The following AMZ1 variants were observed in gnomAD, a reference collection of about 807,000 sequenced individuals.
AMZ1 encodes archaemetzincin-1.
A neutral mutation model predicts 29.9 loss-of-function variants in AMZ1; 39 were observed. That is an observed-to-expected ratio of 1.30 (90% confidence interval 1.01 to 1.70). AMZ1 has a LOEUF of 1.70. Among genes scored for constraint, AMZ1 ranks in the 40% most tolerant of loss-of-function variants. AMZ1 has a pLI of 0.00. For missense variants in AMZ1, 1,041 were observed against 680.6 expected, an observed-to-expected ratio of 1.53 and a Z score of -5.89; for synonymous variants, 458 against 304.0, an observed-to-expected ratio of 1.51 and a Z score of -5.27.
intron 5 of AMZ1, 58 bp from the exon 6 acceptor site, chr7:2,709,582 A>G: frequency 6.4e-7 from 1 of 1,567,488 alleles, no homozygotes. Flanking sequence ...CTGCCTGGGG[A>G]TCTGCCGGAT....
chr7:2,710,975 C>T (rs1348696633), intron 6 of AMZ1, among the ~76,000 whole-genome samples: 1 of 152,222 alleles, frequency 6.6e-6, no homozygotes, highest in Non-Finnish European at 1.5e-5. Flanking sequence ...TGAGAGCTCT[C>T]ATTTGATGCC....
chr7:2,701,856 C>T (rs970325359), intron 2 of AMZ1, among the ~76,000 whole-genome samples: 1 of 152,228 alleles, frequency 6.6e-6, no homozygotes, highest in Non-Finnish European at 1.5e-5. Context: ...TTGGTCTCAG[C>T]ATCCACCACC....
At chr7:2,680,191 G>A (rs1186716659) in intron 1 of AMZ1, among the ~76,000 whole-genome samples, 1 of 152,162 alleles carries the variant, frequency 6.6e-6, no homozygotes. Flanking sequence ...GGAGGGCAGG[G>A]CTGGGATGAT....
upstream of AMZ1, chr7:2,763,309 G>A (rs798487): frequency 0.26 from 45,983 of 176,890 alleles, 6,669 homozygotes; most frequent in Non-Finnish European, 0.3. Flanking sequence ...GACACAGCCC[G>A]GCTTGCTGAC....
rs142796061 is a variant in AMZ1, at chr7:2,709,309, C to G, written c.771+65C>G. 9 of 1,414,764 alleles carry G rather than the reference C, an allele frequency of 6.4e-6. No homozygotes were observed. In the Admixed American group the frequency reaches 8.9e-5, roughly 14 times the overall value. 87.6% of individuals were successfully genotyped at this position (1,414,764 alleles called of 1,614,324 possible). A position where few individuals can be genotyped will look rare whatever the true frequency, so the allele number is the denominator to read the frequency against. On this transcript the variant is annotated intron_variant, in intron 5 of 6. Transcript: ENST00000683327. The stretch of plus-strand genomic sequence containing the variant: ...GGTGCTGTCTGAGCCCTTGGTGCCT[C>G]GGTCTGTTACACTGCCCCATCCTCA...
chr7:2,692,563 G>A (rs1193263440), intron 1 of AMZ1, among the ~76,000 whole-genome samples: 4 of 151,832 alleles, frequency 2.6e-5, no homozygotes, highest in African/African-American at 7.3e-5. Flanking sequence ...AATAAATAAA[G>A]AGGACCAAGC....
At chr7:2,705,552 G>C (rs886722720) in intron 3 of AMZ1, among the ~76,000 whole-genome samples, 9 of 152,208 alleles carry the variant, frequency 5.9e-5, no homozygotes, top group African/African-American at 2.2e-4. Context: ...CCCATCGTGG[G>C]TGTTGGAAGC....
At chr7:2,692,985 G>T (rs551520620) in intron 1 of AMZ1, among the ~76,000 whole-genome samples, 1 of 152,262 alleles carries the variant, frequency 6.6e-6, no homozygotes, top group African/African-American at 2.4e-5. Context: ...CCTCCTCCCC[G>T]CTGCCTCCTT....
At chr7:2,700,984 C>G (rs1788021996) in intron 2 of AMZ1, among the ~76,000 whole-genome samples, 1 of 152,164 alleles carries the variant, frequency 6.6e-6, no homozygotes. Context: ...GGGACTGGTC[C>G]ACATGCAGGT....
At chr7:2,687,125 G>C (rs1001092460), upstream of AMZ1, among the ~76,000 whole-genome samples, 20 of 151,976 alleles carry the variant, frequency 1.3e-4, no homozygotes, top group Non-Finnish European at 8.8e-5. Context: ...TCAAGAGTTT[G>C]ATACCAGCCT....
chr7:2,682,069 G>C (rs1432803257), intron 1 of AMZ1, among the ~76,000 whole-genome samples: 1 of 152,190 alleles, frequency 6.6e-6, no homozygotes, highest in Non-Finnish European at 1.5e-5. Context: ...CTGCTCTCTG[G>C]AGGGAACAAG....
At chr7:2,754,639 T>G (rs1277695622) in intron 4 of AMZ1, among the ~76,000 whole-genome samples, 2 of 151,242 alleles carry the variant, frequency 1.3e-5, no homozygotes, top group Non-Finnish European at 2.9e-5. Flanking sequence ...TCCCAGCTAT[T>G]AGGGGAGGCT....
chr7:2,730,998 A>C (rs114013948), intron 4 of AMZ1: 1 of 534,366 alleles, frequency 1.9e-6, no homozygotes, highest in East Asian at 2.8e-5. Context: ...CTAACGTGAC[A>C]GTTTCCATGT....
chr7:2,750,911 G>A (rs532371132), intron 4 of AMZ1, among the ~76,000 whole-genome samples: 1 of 152,318 alleles, frequency 6.6e-6, no homozygotes, highest in Non-Finnish European at 1.5e-5. Flanking sequence ...AAGGTGGACA[G>A]ATGGGAACAG....
At chr7:2,721,066 G>A (rs144727357), downstream of AMZ1, among the ~76,000 whole-genome samples, 21 of 152,342 alleles carry the variant, frequency 1.4e-4, no homozygotes, top group African/African-American at 4.6e-4. Flanking sequence ...TACGCCCACA[G>A]GTCTGGTGGT....
downstream of AMZ1, among the ~76,000 whole-genome samples, chr7:2,723,296 A>T (rs1303812572): frequency 6.6e-6 from 1 of 152,174 alleles, no homozygotes; most frequent in East Asian, 1.9e-4. Flanking sequence ...TTGCAGGGGA[A>T]TGTGGCAACA....
intron 4 of AMZ1, among the ~76,000 whole-genome samples, chr7:2,757,309 T>C (rs1791353115): frequency 6.6e-6 from 1 of 151,700 alleles, no homozygotes; most frequent in African/African-American, 2.4e-5. Context: ...TAATTTTTTG[T>C]AGTTTTAGTA....
In AMZ1 at chr7:2,717,869, A is replaced by G. The variant is rs1789220644; in HGVS notation, c.*4991A>G. On this transcript the variant is annotated 3_prime_UTR_variant, in exon 7 of 7. Coordinates refer to ENST00000683327, the MANE Select transcript of AMZ1 (RefSeq NM_001384743.1). Reference sequence around the variant, plus strand: ...TGTCAGGGGTTTATTTTAAAAAGCAATTTCCAAGAAGCGTCCTGGGGTCAC... The same window carrying G: ...TGTCAGGGGTTTATTTTAAAAAGCAGTTTCCAAGAAGCGTCCTGGGGTCAC... 6.6e-6 allele frequency among the ~76,000 whole-genome samples: 1 copy of G among 152,144 alleles called. No homozygotes were observed. The highest frequency in any genetic ancestry group is 2.1e-4 in the South Asian group (1 of 4,828).
chr7:2,731,397 G>C lies in AMZ1; in HGVS notation n.550+21581G>C. ...CCCTGAAGTCCGGGAAGTGCTTCTT[G>C]ATGCTCACGGTCTTCACCTTCTCCA... On this transcript the variant is annotated intron_variant and non_coding_transcript_variant, in intron 4 of 4. Coordinates refer to the AMZ1 transcript ENST00000489665. This position sits in a 1 kb window ranked among gnomAD's most constrained non-coding sequence, Gnocchi z 6.0. 1.2e-6 allele frequency: 2 copies of C among 1,613,326 alleles called. No homozygotes were observed. Among genetic ancestry groups the C allele is most frequent in the Non-Finnish European group, 1.7e-6 (2 of 1,179,424 alleles).
Sources: gnomAD v4.1 joint callset for allele counts (sites outside exome capture counted in the v4.1 genomes callset) on GRCh38, gnomAD v4.1.1 for gene constraint, Gnocchi (gnomAD v3.1) non-coding constraint, MANE v1.5 for transcripts, NCBI Gene and HGNC (gene_info 2026-07-23, HGNC 2026-07-21) for gene names.